The following NIN variants were observed in gnomAD, a reference collection of about 807,000 sequenced individuals.
NIN encodes the protein glycogen synthase kinase 3 beta-interacting protein.
A neutral mutation model predicts 257.6 loss-of-function variants in NIN; 137 were observed. The observed-to-expected ratio is 0.53, with a 90% CI of 0.46 to 0.61. The LOEUF is 0.61. NIN is among the 20% of genes least tolerant of loss of function. The probability of loss-of-function intolerance (pLI) is 0.00; values close to 1 mark genes in which losing one functional copy is unlikely to be tolerated. For synonymous variants in NIN, 918 were observed against 919.8 expected (o/e 1.00, Z 0.04); for missense variants, 2,439 against 2,501.2 (o/e 0.98, Z 0.53).
intron 3 of NIN, among the ~76,000 whole-genome samples, chr14:50,818,519 G>T (rs72683650): frequency 6.6e-6 from 1 of 152,056 alleles, no homozygotes; most frequent in East Asian, 1.9e-4. Flanking sequence ...TTTGCTCCCC[G>T]TGCTACTCAT....
In NIN at chr14:50,727,304, C is replaced by T. The variant is rs45576933; in HGVS notation, c.6079-1238G>A. The T allele has an allele frequency of 4.0e-3, 3,903 of 976,290 alleles. 3 individuals are homozygous for T. Among genetic ancestry groups the T allele is most frequent in the Non-Finnish European group, 4.5e-3 (3,661 of 811,216 alleles). The allele number at this position is 976,290 out of a possible 1,614,324, so 60.5% of individuals were successfully genotyped here. ...AAAGATTTGTACATCTTATACAAAACAGTATAAATACCCCTGGTTTTCTTC... is the reference window on the plus strand; with the variant it reads ...AAAGATTTGTACATCTTATACAAAATAGTATAAATACCCCTGGTTTTCTTC... On this transcript the variant is annotated intron_variant, in intron 29 of 30. Coordinates refer to ENST00000530997, the MANE Select transcript of NIN (RefSeq NM_020921.4).
At chr14:50,794,059 T>C (rs995713349) in intron 4 of NIN, among the ~76,000 whole-genome samples, 1 of 152,154 alleles carries the variant, frequency 6.6e-6, no homozygotes, top group Non-Finnish European at 1.5e-5. Context: ...AAAACGACAA[T>C]AGTTGATTAG....
Position 50,720,154 on chromosome 14 carries a change from C to T in NIN, c.*3309G>A. On this transcript the variant is annotated 3_prime_UTR_variant, in exon 31 of 31. Coordinates refer to ENST00000530997, the MANE Select transcript of NIN (RefSeq NM_020921.4). ...GCTGAGAGGTCCAGATAGGTCCAAA[C>T]ATGATGATTTTTAAATGAGTGCTTT... is the stretch of plus-strand genomic sequence containing the variant. The T allele has an allele frequency of 4.5e-6, 1 of 222,614 alleles. No individual in the cohort carries two copies. The highest frequency in any genetic ancestry group is 9.0e-6 in the Non-Finnish European group (1 of 111,436). 13.8% of individuals were successfully genotyped at this position (222,614 alleles called of 1,614,324 possible).
intron 21 of NIN, 104 bp from the exon 22 acceptor site, chr14:50,748,209 C>T (rs2041637287): frequency 1.5e-6 from 1 of 663,090 alleles, no homozygotes; most frequent in Non-Finnish European, 2.6e-6. Context: ...AATATGAACT[C>T]AATGACACTG....
At chr14:50,772,880 T>C in intron 8 of NIN, 69 bp downstream of exon 8, 3 of 1,319,808 alleles carry the variant, frequency 2.3e-6, no homozygotes. Flanking sequence ...AACAGATTAA[T>C]TTATTAGACA....
At position 50,741,469 on chromosome 14, in the gene NIN, A is replaced by T. The variant is rs972450973; in HGVS notation, c.5448+113T>A. 11 of 806,674 alleles carry T rather than the reference A, an allele frequency of 1.4e-5. No individual in the cohort carries two copies. In the Middle Eastern group the frequency reaches 7.3e-4, roughly 54 times the overall value. The allele number at this position is 806,674 out of a possible 1,614,324, so 50.0% of individuals were successfully genotyped here. ...TGGTTATACAAACACAGATACATAA[A>T]ATATGCATATTTATATGTACATACA... On this transcript the variant is annotated intron_variant, in intron 25 of 30. Transcript: ENST00000530997.
chr14:50,723,525 T>TG lies in NIN; in HGVS notation c.6339dup (p.Ser2114GlnfsTer2), dbSNP rs1474024821. On this transcript the variant is annotated frameshift_variant, in exon 31 of 31. Coordinates refer to ENST00000530997, the MANE Select transcript of NIN (RefSeq NM_020921.4). LOFTEE classifies it high-confidence loss of function. The stretch of plus-strand genomic sequence containing the variant: ...GGTGTCAGATTCCTAACTATATTAC[T>TG]GAGGCTGGCAATCTTCTCCTCCAGG... 1 of 1,613,774 alleles carries TG rather than the reference T, an allele frequency of 6.2e-7. No homozygotes were observed. Among genetic ancestry groups the TG allele is most frequent in the Non-Finnish European group, 8.5e-7 (1 of 1,179,870 alleles).
intron 16 of NIN, among the ~76,000 whole-genome samples, chr14:50,761,394 GGTCAGTTGAAGTCTGGACTGGAAAC>G (rs1248354616): frequency 2.6e-5 from 4 of 152,078 alleles, no homozygotes; most frequent in African/African-American, 7.2e-5. Context: ...TCATAAGAAC[GGTCAGTTGAAGTCTGGACTGGAAAC>G]GTCAGTTGAA....
At chr14:50,735,431 T>C in intron 28 of NIN, 85 bp downstream of exon 28, 1 of 1,492,108 alleles carries the variant, frequency 6.7e-7, no homozygotes, top group Admixed American at 2.4e-5. Context: ...GGGAATTCAA[T>C]GCCATGTCTA....
At chr14:50,810,852 C>T (rs1450246086) in intron 3 of NIN, among the ~76,000 whole-genome samples, 1 of 151,836 alleles carries the variant, frequency 6.6e-6, no homozygotes, top group East Asian at 2.0e-4. Context: ...TTAGTAGAGA[C>T]AGGGTTTCAC....
intron 21 of NIN, among the ~76,000 whole-genome samples, chr14:50,748,522 A>C (rs962779139): frequency 6.6e-6 from 1 of 152,202 alleles, no homozygotes; most frequent in Admixed American, 6.5e-5. Flanking sequence ...GGAAGAGAGG[A>C]AGTCAGAGTG....
At chr14:50,749,290 T>C (rs887185530) in intron 21 of NIN, among the ~76,000 whole-genome samples, 2 of 152,196 alleles carry the variant, frequency 1.3e-5, no homozygotes, top group African/African-American at 2.4e-5. Flanking sequence ...CTCTTCCTTA[T>C]ACTTTATACA....
intron 28 of NIN, among the ~76,000 whole-genome samples, chr14:50,730,362 C>A (rs1201034716): frequency 6.6e-6 from 1 of 152,130 alleles, no homozygotes; most frequent in Non-Finnish European, 1.5e-5. Flanking sequence ...GAAATGTGTA[C>A]CAACATGCCA....
chr14:50,750,910 C>G (rs532064681), intron 21 of NIN, among the ~76,000 whole-genome samples: 36 of 152,310 alleles, frequency 2.4e-4, no homozygotes, highest in African/African-American at 8.4e-4. Flanking sequence ...CCCTTTCCCA[C>G]CCTCCCTTTT....
chr14:50,771,461 T>C lies in NIN; in HGVS notation c.989A>G (p.Asp330Gly), dbSNP rs1346564348. 1.2e-6 allele frequency: 2 copies of C among 1,614,038 alleles called. No individual in the cohort carries two copies. Among genetic ancestry groups the C allele is most frequent in the Non-Finnish European group, 1.7e-6 (2 of 1,179,966 alleles). Residue 330 changes from aspartate (D) to glycine (G), a missense_variant, in exon 10 of 31, where the codon GAT becomes GGT. Asp to Gly is a moderately conservative substitution (Grantham distance 94, BLOSUM62 -1). Transcript: ENST00000530997. Reference protein sequence around the residue: ...ENSQEILKALDFSLDGNINLT... With the variant: ...ENSQEILKALGFSLDGNINLT... ...ATTGATGTTTCCATCGAGGCTGAAA[T>C]CCAAGGCCTAGAAATCAGAGCAAGG...
intron 22 of NIN, among the ~76,000 whole-genome samples, chr14:50,747,062 C>T (rs2041579672): frequency 6.6e-6 from 1 of 152,126 alleles, no homozygotes; most frequent in South Asian, 2.1e-4. Flanking sequence ...GTCCTGTTGC[C>T]CAGGCTGGTC....
At chr14:50,772,513 C>T in intron 8 of NIN, 45 bp from the exon 9 acceptor site, 1 of 1,584,370 alleles carries the variant, frequency 6.3e-7, no homozygotes, top group Non-Finnish European at 8.7e-7. Flanking sequence ...TGATTCCAGG[C>T]ATTTCAACAA....
Position 50,760,167 on chromosome 14 carries a change from G to A in NIN, c.2089C>T (p.His697Tyr), listed in dbSNP as rs775856001. The A allele has an allele frequency of 1.9e-6, 3 of 1,614,090 alleles. No individual in the cohort carries two copies. The highest frequency in any genetic ancestry group is 2.5e-6 in the Non-Finnish European group (3 of 1,180,034). ...TGCAGTTGTTTTTTCTCCTCCTCATGCCTGCAAGTGGCCTCATGATGTGCC... is the reference window on the plus strand; with the variant it reads ...TGCAGTTGTTTTTTCTCCTCCTCATACCTGCAAGTGGCCTCATGATGTGCC... Reference protein sequence around the residue: ...KEAHHEATCRHEEEKKQLQVK... With the variant: ...KEAHHEATCRYEEEKKQLQVK... The change falls in exon 17 of 31, where the codon CAT becomes TAT. Residue 697 changes from histidine to tyrosine, a missense_variant. Transcript: ENST00000530997.
intron 7 of NIN, 59 bp downstream of exon 7, chr14:50,776,890 A>C (rs2042943501): frequency 6.9e-7 from 1 of 1,458,568 alleles, no homozygotes; most frequent in African/African-American, 1.4e-5. Context: ...TGTTCCTAGC[A>C]TGTGGTCAAC....
Sources: gnomAD v4.1 joint callset for allele counts (sites outside exome capture counted in the v4.1 genomes callset) on GRCh38, gnomAD v4.1.1 for gene constraint, MANE v1.5 for transcripts, NCBI Gene and HGNC (gene_info 2026-07-23, HGNC 2026-07-21) for gene names.